The following AGMO variants were observed in gnomAD, a reference collection of about 807,000 sequenced individuals.
AGMO encodes glyceryl-ether monooxygenase.
Under a neutral mutation model 60.2 loss-of-function variants are expected in AGMO, and 75 were observed. The observed-to-expected ratio is 1.25, with a 90% CI of 1.03 to 1.51. AGMO has a LOEUF of 1.51. AGMO is among the 40% of genes most tolerant of loss of function. AGMO has a pLI of 0.00. For synonymous variants in AGMO, 261 were observed against 177.1 expected (o/e 1.47, Z -3.76); for missense variants, 763 against 525.5 (o/e 1.45, Z -4.42).
the AGMO span, among the ~76,000 whole-genome samples, chr7:15,129,177 A>C: frequency 6.6e-6 from 1 of 152,084 alleles, no homozygotes; most frequent in African/African-American, 2.4e-5. Context: ...TGATTGCTAC[A>C]TAAGTGTGGT....
the AGMO span, among the ~76,000 whole-genome samples, chr7:15,145,190 GA>G: frequency 6.6e-6 from 1 of 151,940 alleles, no homozygotes; most frequent in African/African-American, 2.4e-5. Context: ...CTATACTTTT[GA>G]AAAAAGATGA....
At chr7:15,354,341 C>CGT (rs112393143) in intron 12 of AGMO, among the ~76,000 whole-genome samples, 1,742 of 34,066 alleles carry the variant, frequency 0.051, 270 homozygotes, top group Admixed American at 0.072. Flanking sequence ...CGTGTATATA[C>CGT]ACGCGTGTAT....
chr7:15,516,590 T>C (rs2128533125), intron 3 of AGMO, among the ~76,000 whole-genome samples: 1 of 152,340 alleles, frequency 6.6e-6, no homozygotes, highest in Non-Finnish European at 1.5e-5. Context: ...CAACTTCCTT[T>C]GTAAAGATGC....
At chr7:15,380,232 C>G (rs2128481005) in intron 10 of AGMO, among the ~76,000 whole-genome samples, 1 of 152,184 alleles carries the variant, frequency 6.6e-6, no homozygotes, top group Admixed American at 6.6e-5. Flanking sequence ...TCCCTATTTG[C>G]AGACGACATG....
chr7:15,256,179 T>A (rs1264571117), intron 12 of AGMO, among the ~76,000 whole-genome samples: 1 of 151,984 alleles, frequency 6.6e-6, no homozygotes, highest in Non-Finnish European at 1.5e-5. Context: ...GAAACGAGAG[T>A]GTTCAGGTAG....
At chr7:15,230,905 G>A (rs1489146779) in intron 12 of AGMO, among the ~76,000 whole-genome samples, 1 of 152,144 alleles carries the variant, frequency 6.6e-6, no homozygotes, top group Non-Finnish European at 1.5e-5. Flanking sequence ...TGGGGGAAAT[G>A]GAACGAGGGA....
At chr7:15,351,963 T>C (rs938921544) in intron 12 of AGMO, among the ~76,000 whole-genome samples, 2 of 152,212 alleles carry the variant, frequency 1.3e-5, no homozygotes, top group Admixed American at 6.5e-5. Flanking sequence ...AAAGCCCAGA[T>C]AGCATTTACA....
chr7:15,352,768 A>T (rs1412654895), intron 12 of AGMO, among the ~76,000 whole-genome samples: 1 of 151,512 alleles, frequency 6.6e-6, no homozygotes, highest in Non-Finnish European at 1.5e-5. Context: ...TTCTCCTTAG[A>T]GCCATTATCT....
At chr7:15,281,997 G>A (rs776489123) in intron 12 of AGMO, among the ~76,000 whole-genome samples, 3 of 151,994 alleles carry the variant, frequency 2.0e-5, no homozygotes, top group Non-Finnish European at 4.4e-5. Flanking sequence ...AAAGCACCAA[G>A]AGCAGAATTA....
At chr7:15,239,483 A>G (rs929156510) in intron 12 of AGMO, among the ~76,000 whole-genome samples, 1 of 152,102 alleles carries the variant, frequency 6.6e-6, no homozygotes, top group Non-Finnish European at 1.5e-5. Context: ...ATATATAGCA[A>G]TCTCTATGAA....
intron 5 of AGMO, among the ~76,000 whole-genome samples, chr7:15,418,181 G>T (rs1419705020): frequency 6.6e-6 from 1 of 151,814 alleles, no homozygotes; most frequent in Non-Finnish European, 1.5e-5. Flanking sequence ...AGTTTCAACA[G>T]ATTATAGATA....
At chr7:15,204,599 A>G (rs2115468808) in intron 12 of AGMO, among the ~76,000 whole-genome samples, 1 of 152,252 alleles carries the variant, frequency 6.6e-6, no homozygotes, top group East Asian at 1.9e-4. Flanking sequence ...AAGCAGAGGA[A>G]GTTCATTCTT....
intron 12 of AGMO, among the ~76,000 whole-genome samples, chr7:15,305,304 G>C (rs1780580737): frequency 6.6e-6 from 1 of 150,708 alleles, no homozygotes; most frequent in South Asian, 2.1e-4. Context: ...AATAAGGTTT[G>C]AAGATTATCT....
intron 3 of AGMO, among the ~76,000 whole-genome samples, chr7:15,492,500 G>A (rs1783094063): frequency 6.6e-6 from 1 of 151,998 alleles, no homozygotes; most frequent in African/African-American, 2.4e-5. Context: ...GTGTCCTTAG[G>A]TGCTTGTGGT....
At chr7:15,338,264 G>A (rs4467844) in intron 12 of AGMO, among the ~76,000 whole-genome samples, 25,341 of 152,064 alleles carry the variant, frequency 0.17, 2,434 homozygotes, top group East Asian at 0.45. Flanking sequence ...CTACCAAGTT[G>A]CAAAACATTT....
chr7:15,521,579 G>T (rs148600662), intron 3 of AGMO, among the ~76,000 whole-genome samples: 4,755 of 152,068 alleles, frequency 0.031, 245 homozygotes, highest in African/African-American at 0.11. Flanking sequence ...TCACATAAAT[G>T]GAACCAATGA....
intron 12 of AGMO, among the ~76,000 whole-genome samples, chr7:15,339,227 C>T (rs192931054): frequency 4.9e-4 from 74 of 152,248 alleles, no homozygotes; most frequent in African/African-American, 1.8e-3. Context: ...GCTGAGGGGC[C>T]TGCAAAAATA....
chr7:15,318,011 T>A (rs933168337), intron 12 of AGMO, among the ~76,000 whole-genome samples: 2 of 52,046 alleles, frequency 3.8e-5, no homozygotes, highest in African/African-American at 8.7e-5. Context: ...TATACATATA[T>A]TTTTTTTTTT....
intron 4 of AGMO, among the ~76,000 whole-genome samples, chr7:15,428,018 A>ATTTCACATTTCAATGTGAAATGATCTTAC (rs1781119498): frequency 6.6e-6 from 1 of 152,176 alleles, no homozygotes; most frequent in Non-Finnish European, 1.5e-5. Flanking sequence ...AATGAGCTTA[A>ATTTCACATTTCAATGTGAAATGATCTTAC]TTTCACATTT....
Sources: allele counts gnomAD v4.1 joint callset (sites outside exome capture counted in the v4.1 genomes callset), GRCh38; gene constraint gnomAD v4.1.1; transcripts MANE v1.5; gene names NCBI Gene and HGNC (gene_info 2026-07-23, HGNC 2026-07-21).